The following PTBP3 variants were observed in gnomAD, a reference collection of about 807,000 sequenced individuals.
PTBP3 encodes the protein polypyrimidine tract-binding protein 3.
Under a neutral mutation model 58.7 loss-of-function variants are expected in PTBP3, and 20 were observed. That is an observed-to-expected ratio of 0.34 (90% confidence interval 0.24 to 0.50). The LOEUF (loss-of-function observed/expected upper bound fraction) is 0.50, where lower values mean the gene tolerates loss of function less well. Among genes scored for constraint, PTBP3 ranks in the 20% least tolerant of loss-of-function variants. The pLI, the probability that PTBP3 is intolerant of heterozygous loss-of-function variation, is 0.98. For synonymous variants in PTBP3, 185 were observed against 219.8 expected (o/e 0.84, Z 1.40); for missense variants, 509 against 637.2 (o/e 0.80, Z 2.17).
In PTBP3 at chr9:112,221,690, T is replaced by A. The variant is rs1047775309; in HGVS notation, c.*2161A>T. On this transcript the variant is annotated 3_prime_UTR_variant, in exon 14 of 14. Transcript: ENST00000374257. ...ACAACTACATACATGAGTATATCTA[T>A]CTATTCAGCCAAACTGATCCATTTG... 1 of 985,246 alleles carries A rather than the reference T, an allele frequency of 1.0e-6. No individual in the cohort carries two copies. Among genetic ancestry groups the A allele is most frequent in the Non-Finnish European group, 1.2e-6 (1 of 829,790 alleles). The allele number at this position is 985,246 out of a possible 1,614,324, so 61.0% of individuals were successfully genotyped here. A position where few individuals can be genotyped will look rare whatever the true frequency, so the allele number is the denominator to read the frequency against.
At chr9:112,378,226 G>C in the PTBP3 span, among the ~76,000 whole-genome samples, 3 of 152,284 alleles carry the variant, frequency 2.0e-5, 1 homozygote, top group South Asian at 6.2e-4. Flanking sequence ...TCAAAGTACT[G>C]AATACAATGG....
chr9:112,235,984 AAC>A (rs1169174244), intron 7 of PTBP3, among the ~76,000 whole-genome samples: 1 of 152,112 alleles, frequency 6.6e-6, no homozygotes, highest in Non-Finnish European at 1.5e-5. Flanking sequence ...AAAAAGGTAA[AAC>A]AACAGTATTA....
chr9:112,237,663 C>G (rs1020670378), intron 7 of PTBP3, among the ~76,000 whole-genome samples: 1 of 152,198 alleles, frequency 6.6e-6, no homozygotes, highest in Non-Finnish European at 1.5e-5. Context: ...CCCTGTGACA[C>G]TGAGCTTTGG....
chr9:112,283,808 C>T (rs796243120), intron 2 of PTBP3, among the ~76,000 whole-genome samples: 16 of 152,366 alleles, frequency 1.1e-4, no homozygotes, highest in African/African-American at 3.6e-4. Context: ...CTGGGCCCTG[C>T]TGCTCTGTGC....
chr9:112,338,672 C>T, the PTBP3 span, among the ~76,000 whole-genome samples: 2 of 152,166 alleles, frequency 1.3e-5, no homozygotes, highest in African/African-American at 2.4e-5. Flanking sequence ...TGACTCTGAC[C>T]GACTCTGCCC....
chr9:112,320,291 A>AATATATATATATATATAT (rs1288195199), intron 1 of PTBP3, among the ~76,000 whole-genome samples: 18 of 73,522 alleles, frequency 2.4e-4, no homozygotes, highest in African/African-American at 1.1e-3. Flanking sequence ...AAAAAAAAAA[A>AATATATATATATATATAT]ATATATATAT....
At chr9:112,287,012 C>G (rs564356053) in intron 2 of PTBP3, among the ~76,000 whole-genome samples, 28 of 152,130 alleles carry the variant, frequency 1.8e-4, no homozygotes, top group African/African-American at 6.3e-4. Context: ...AAGTGGTCCC[C>G]CCTCATCCGT....
intron 1 of PTBP3, among the ~76,000 whole-genome samples, chr9:112,325,223 G>A (rs1355305258): frequency 6.6e-6 from 1 of 152,230 alleles, no homozygotes; most frequent in African/African-American, 2.4e-5. Context: ...TCATGCACAG[G>A]AGGCTTGCCT....
chr9:112,319,046 G>A (rs1006819216), intron 1 of PTBP3, among the ~76,000 whole-genome samples: 6 of 149,250 alleles, frequency 4.0e-5, no homozygotes, highest in Non-Finnish European at 7.4e-5. Flanking sequence ...AGAATCTTTT[G>A]AACCTGGGAG....
At chr9:112,347,278 A>G in the PTBP3 span, among the ~76,000 whole-genome samples, 2 of 152,120 alleles carry the variant, frequency 1.3e-5, no homozygotes, top group Non-Finnish European at 2.9e-5. Context: ...ATAAAATACC[A>G]TAGGCAATGA....
At chr9:112,301,149 C>A (rs1423434473) in intron 1 of PTBP3, among the ~76,000 whole-genome samples, 1 of 151,904 alleles carries the variant, frequency 6.6e-6, no homozygotes, top group African/African-American at 2.4e-5. Flanking sequence ...ACCTAAGAAC[C>A]CTTAAGATCA....
chr9:112,225,947 G>A (rs1011902812), intron 12 of PTBP3, among the ~76,000 whole-genome samples: 2 of 152,100 alleles, frequency 1.3e-5, no homozygotes, highest in African/African-American at 4.8e-5. Context: ...GGAAAGCTGA[G>A]GTGGGAAGAT....
the PTBP3 span, among the ~76,000 whole-genome samples, chr9:112,346,592 G>A: frequency 6.6e-6 from 1 of 152,354 alleles, no homozygotes; most frequent in African/African-American, 2.4e-5. Flanking sequence ...AGCTCCAGAT[G>A]ACTTACAAAT....
intron 7 of PTBP3, among the ~76,000 whole-genome samples, chr9:112,235,675 G>GT (rs1013184484): frequency 6.6e-6 from 1 of 152,106 alleles, no homozygotes; most frequent in African/African-American, 2.4e-5. Context: ...TCAGATTATT[G>GT]TAAGTAAACA....
intron 7 of PTBP3, among the ~76,000 whole-genome samples, chr9:112,249,140 C>T (rs1836001755): frequency 6.6e-6 from 1 of 151,882 alleles, no homozygotes; most frequent in African/African-American, 2.4e-5. Flanking sequence ...GGTAAAAAAA[C>T]AACAGGAAAA....
intron 3 of PTBP3, among the ~76,000 whole-genome samples, chr9:112,270,615 G>A (rs950009827): frequency 6.6e-6 from 1 of 152,132 alleles, no homozygotes; most frequent in Non-Finnish European, 1.5e-5. Flanking sequence ...GAAACCATGC[G>A]TGTAGCATTG....
chr9:112,254,031 G>A (rs1836245089), intron 5 of PTBP3, among the ~76,000 whole-genome samples: 1 of 152,160 alleles, frequency 6.6e-6, no homozygotes, highest in South Asian at 2.1e-4. Flanking sequence ...GTAAGATTTT[G>A]CTGTTACCAA....
intron 2 of PTBP3, among the ~76,000 whole-genome samples, chr9:112,277,882 GTAACA>G (rs57476799): frequency 0.13 from 17,391 of 129,838 alleles, 1,514 homozygotes; most frequent in Non-Finnish European, 0.16. Flanking sequence ...TCAAAATAAC[GTAACA>G]TAACATAACA....
intron 2 of PTBP3, among the ~76,000 whole-genome samples, chr9:112,289,924 T>C (rs1828304942): frequency 6.6e-6 from 1 of 152,192 alleles, no homozygotes; most frequent in Non-Finnish European, 1.5e-5. Context: ...TCATAAGACA[T>C]CAATAATTAT....
Sources: gnomAD v4.1 joint callset for allele counts (sites outside exome capture counted in the v4.1 genomes callset) on GRCh38, gnomAD v4.1.1 for gene constraint, MANE v1.5 for transcripts, NCBI Gene and HGNC (gene_info 2026-07-23, HGNC 2026-07-21) for gene names.